Variants in RAP1GAP2 observed in about 807,000 individuals in gnomAD.
RAP1GAP2 encodes rap1 GTPase-activating protein 2.
Under a neutral mutation model 95.0 loss-of-function variants are expected in RAP1GAP2, and 27 were observed. The ratio of observed to expected loss-of-function variants is 0.28; its 90% confidence interval spans 0.21 to 0.39. RAP1GAP2 has a LOEUF of 0.39. RAP1GAP2 is among the 10% of genes least tolerant of loss of function. The pLI, the probability that RAP1GAP2 is intolerant of heterozygous loss-of-function variation, is 1.00. For missense variants in RAP1GAP2, 771 were observed against 970.0 expected (o/e 0.79, Z 2.72); for synonymous variants, 373 against 380.9 (o/e 0.98, Z 0.24).
intron 19 of RAP1GAP2, among the ~76,000 whole-genome samples, chr17:3,025,491 G>C (rs1041816496): frequency 6.6e-6 from 1 of 152,246 alleles, no homozygotes; most frequent in Admixed American, 6.5e-5. Context: ...TGTTGGCTGA[G>C]AGTACCCCTT....
rs185723888 is a variant in RAP1GAP2, at chr17:2,978,164, C to T, written c.597-2123C>T. On this transcript the variant is annotated intron_variant, in intron 8 of 24. Transcript: ENST00000254695. ...CAATTTCACACATAGAAAATTCATC[C>T]GTACCATGGATCTCAGCAACCTTAG... Among the ~76,000 whole-genome samples the T allele has an allele frequency of 2.9e-4, 44 of 152,278 alleles. No individual in the cohort carries two copies. In the South Asian group the frequency reaches 6.0e-3, roughly 21 times the overall value.
intron 1 of RAP1GAP2, among the ~76,000 whole-genome samples, chr17:2,780,127 C>T (rs542313298): frequency 2.3e-4 from 35 of 152,184 alleles, no homozygotes; most frequent in East Asian, 9.7e-4. Context: ...CTCGGCTCAC[C>T]GCAACCTCCG....
intron 2 of RAP1GAP2, among the ~76,000 whole-genome samples, chr17:2,824,138 AAAG>A (rs2070436377): frequency 1.4e-5 from 2 of 141,712 alleles, no homozygotes; most frequent in African/African-American, 5.3e-5. Flanking sequence ...AAAAAAAAAG[AAAG>A]AAAGAAAAAA....
intron 3 of RAP1GAP2, among the ~76,000 whole-genome samples, chr17:2,943,753 C>A (rs1216466242): frequency 6.6e-6 from 1 of 152,070 alleles, no homozygotes; most frequent in Non-Finnish European, 1.5e-5. Flanking sequence ...AGAAGACATA[C>A]AAGTGGTCAA....
chr17:2,955,331 T>C (rs563389705), intron 3 of RAP1GAP2, among the ~76,000 whole-genome samples: 1 of 152,350 alleles, frequency 6.6e-6, no homozygotes, highest in East Asian at 1.9e-4. Context: ...GTTAGTGGTA[T>C]GAGTGGTGTC....
intron 17 of RAP1GAP2, among the ~76,000 whole-genome samples, chr17:3,013,088 G>A (rs546232266): frequency 6.6e-6 from 1 of 152,378 alleles, no homozygotes; most frequent in East Asian, 1.9e-4. Context: ...CAAGCTGGGA[G>A]TTGCCAGGTT....
Position 3,004,988 on chromosome 17 carries a change from G to A in RAP1GAP2, c.1201-381G>A, listed in dbSNP as rs2046289404. Among the ~76,000 whole-genome samples, 2 of 152,132 alleles carry A rather than the reference G, an allele frequency of 1.3e-5. No homozygotes were observed. Among genetic ancestry groups the A allele is most frequent in the Admixed American group, 1.3e-4 (2 of 15,264 alleles). ...CTTCTCTGTGTGTCTCTGGGCATCT[G>A]TTTCCTCATCAGGGAGAACAGTTCT... On this transcript the variant is annotated intron_variant, in intron 14 of 24. Transcript: ENST00000254695. This position sits in a 1 kb window ranked among gnomAD's most constrained non-coding sequence, Gnocchi z 4.1.
intron 12 of RAP1GAP2, among the ~76,000 whole-genome samples, chr17:2,993,581 AAAAT>A (rs1034358608): frequency 3.0e-4 from 41 of 137,362 alleles, no homozygotes; most frequent in African/African-American, 5.1e-4. Context: ...TAAAAAAAAA[AAAAT>A]AAATAAATAA....
chr17:2,961,820 C>T (rs957768612), intron 4 of RAP1GAP2, among the ~76,000 whole-genome samples: 10 of 151,856 alleles, frequency 6.6e-5, no homozygotes, highest in Middle Eastern at 3.4e-3. Flanking sequence ...GGCTCTAGAG[C>T]GCTGGCTCCG....
chr17:2,824,456 A>G (rs1163079806), intron 2 of RAP1GAP2, among the ~76,000 whole-genome samples: 1 of 149,354 alleles, frequency 6.7e-6, no homozygotes, highest in Non-Finnish European at 1.5e-5. Flanking sequence ...CAAAAAAAAA[A>G]AAAAGTCCGG....
intron 2 of RAP1GAP2, among the ~76,000 whole-genome samples, chr17:2,862,735 C>T (rs921959203): frequency 4.6e-5 from 7 of 152,106 alleles, no homozygotes; most frequent in African/African-American, 1.4e-4. Context: ...CAGTGGCTCA[C>T]GCCTGTAATT....
Position 3,026,090 on chromosome 17 carries a change from A to T in RAP1GAP2, c.1834A>T (p.Ser612Cys). The stretch of plus-strand genomic sequence containing the variant: ...AAAGTCTGAGACCTCATCCAATCCC[A>T]GCTCTCCGGAAATCTGCCCCAACAA... Reference protein sequence around the residue: ...EIKSETSSNPSSPEICPNKEK... With the variant: ...EIKSETSSNPCSPEICPNKEK... The change falls in exon 20 of 25, where the codon AGC becomes TGC. Residue 612 changes from serine to cysteine, a missense_variant. Transcript: ENST00000254695. The T allele has an allele frequency of 2.5e-6, 4 of 1,613,150 alleles. No individual in the cohort carries two copies. The highest frequency in any genetic ancestry group is 3.4e-6 in the Non-Finnish European group (4 of 1,179,194).
intron 2 of RAP1GAP2, among the ~76,000 whole-genome samples, chr17:2,861,244 G>T (rs894496969): frequency 2.7e-4 from 41 of 151,778 alleles, no homozygotes; most frequent in African/African-American, 7.7e-4. Context: ...TTCCTCCATG[G>T]TACTCCTCAT....
chr17:2,901,534 A>T (rs149418607), intron 2 of RAP1GAP2, among the ~76,000 whole-genome samples: 1 of 152,246 alleles, frequency 6.6e-6, no homozygotes, highest in African/African-American at 2.4e-5. Flanking sequence ...CAGTGCCATG[A>T]CATGTGGCAA....
intron 3 of RAP1GAP2, among the ~76,000 whole-genome samples, chr17:2,938,897 A>T (rs567255444): frequency 1.9e-3 from 287 of 152,112 alleles, no homozygotes; most frequent in African/African-American, 6.3e-3. Context: ...GAGGCAGGAG[A>T]ATCTCTTGAA....
At chr17:2,889,059 C>T (rs2073600181) in intron 2 of RAP1GAP2, among the ~76,000 whole-genome samples, 1 of 152,140 alleles carries the variant, frequency 6.6e-6, no homozygotes, top group African/African-American at 2.4e-5. Flanking sequence ...GCAGATGGCT[C>T]TTCAACAGGC....
intron 3 of RAP1GAP2, among the ~76,000 whole-genome samples, chr17:2,926,701 A>T (rs926052497): frequency 1.3e-5 from 2 of 152,100 alleles, no homozygotes; most frequent in African/African-American, 4.8e-5. Flanking sequence ...TCTCACTGAG[A>T]TCAAATCAAG....
At chr17:2,908,827 T>G (rs1300276360) in intron 3 of RAP1GAP2, among the ~76,000 whole-genome samples, 1 of 152,048 alleles carries the variant, frequency 6.6e-6, no homozygotes, top group African/African-American at 2.4e-5. Flanking sequence ...CATCTTAGCC[T>G]CCCGAGTAGC....
chr17:2,800,660 C>A, intron 2 of RAP1GAP2, 110 bp downstream of exon 2: 1 of 1,180,236 alleles, frequency 8.5e-7, no homozygotes, highest in South Asian at 1.3e-5. Context: ...TCGTGTTTGT[C>A]AGATTCCAGT....
Sources: allele counts gnomAD v4.1 joint callset (sites outside exome capture counted in the v4.1 genomes callset), GRCh38; gene constraint gnomAD v4.1.1; non-coding constraint Gnocchi (gnomAD v3.1); transcripts MANE v1.5; gene names NCBI Gene and HGNC (gene_info 2026-07-23, HGNC 2026-07-21).